The following AATF variants were observed in gnomAD, a reference collection of about 807,000 sequenced individuals.
AATF encodes the protein protein AATF.
A neutral mutation model predicts 63.7 loss-of-function variants in AATF; 48 were observed. The ratio of observed to expected loss-of-function variants is 0.75; its 90% confidence interval spans 0.60 to 0.96. The LOEUF (loss-of-function observed/expected upper bound fraction) is 0.96. AATF is among the 40% of genes least tolerant of loss of function. The pLI, the probability that AATF is intolerant of heterozygous loss-of-function variation, is 0.00. For synonymous variants in AATF, 258 were observed against 247.7 expected, an observed-to-expected ratio of 1.04 and a Z score of -0.39; for missense variants, 639 against 685.7, an observed-to-expected ratio of 0.93 and a Z score of 0.76.
chr17:37,002,903 G>GTTTTTTTTTTTTTTTTTT (rs35926577), intron 8 of AATF, among the ~76,000 whole-genome samples: 1 of 99,196 alleles, frequency 1.0e-5, no homozygotes. Context: ...TCCTGTTGCT[G>GTTTTTTTTTTTTTTTTTT]TTTTTTTTTT....
intron 4 of AATF, among the ~76,000 whole-genome samples, chr17:36,978,138 AT>A (rs558749255): frequency 1.3e-3 from 201 of 151,654 alleles, no homozygotes; most frequent in Admixed American, 1.8e-3. Context: ...AATGGTAAGA[AT>A]TTTTTTTTCT....
intron 11 of AATF, among the ~76,000 whole-genome samples, chr17:37,035,768 G>A (rs1231425459): frequency 6.6e-6 from 1 of 152,208 alleles, no homozygotes; most frequent in East Asian, 1.9e-4. Flanking sequence ...TTTTAAATGT[G>A]TCTGTTAACA....
chr17:37,010,053 C>T (rs2071378360), intron 8 of AATF, among the ~76,000 whole-genome samples: 1 of 152,170 alleles, frequency 6.6e-6, no homozygotes, highest in African/African-American at 2.4e-5. Context: ...TGGATTAGAG[C>T]CAGGTTATTG....
chr17:36,990,777 A>T lies in AATF; in HGVS notation c.1318A>T (p.Ile440Phe). 1 of 1,587,980 alleles carries T rather than the reference A, an allele frequency of 6.3e-7. No homozygotes were observed. The highest frequency in any genetic ancestry group is 1.8e-5 in the Admixed American group (1 of 54,446). Residue 440 changes from isoleucine (I) to phenylalanine (F), a missense_variant, in exon 8 of 12, where the codon ATC (isoleucine) becomes TTC (phenylalanine). Transcript: ENST00000619387. Reference sequence around the variant, plus strand: ...TTCTTACTCATTGTTAACATAGGAGATCCTTCCTCAAGCCCCTGCTAATGC... The same window carrying T: ...TTCTTACTCATTGTTAACATAGGAGTTCCTTCCTCAAGCCCCTGCTAATGC... ...VPESLPGEPE[I>F]LPQAPANAHL...
At chr17:36,972,136 A>T (rs2071044294) in intron 4 of AATF, among the ~76,000 whole-genome samples, 2 of 152,140 alleles carry the variant, frequency 1.3e-5, no homozygotes, top group South Asian at 4.1e-4. Flanking sequence ...TGGATACATG[A>T]TACAGTACTT....
chr17:37,000,342 G>A (rs930752345), intron 8 of AATF, among the ~76,000 whole-genome samples: 2 of 152,100 alleles, frequency 1.3e-5, no homozygotes, highest in African/African-American at 4.8e-5. Flanking sequence ...CAGTTGGAGG[G>A]ATTAAGTTGC....
At chr17:37,005,929 A>T (rs561057348) in intron 8 of AATF, among the ~76,000 whole-genome samples, 4 of 152,270 alleles carry the variant, frequency 2.6e-5, no homozygotes, top group African/African-American at 7.2e-5. Context: ...GGAGCTTGAG[A>T]CTAACCTGGG....
intron 11 of AATF, among the ~76,000 whole-genome samples, chr17:37,035,328 C>T (rs2071583263): frequency 6.6e-6 from 1 of 151,488 alleles, no homozygotes; most frequent in African/African-American, 2.4e-5. Context: ...AAGCGATTCT[C>T]CTGCCTCAGC....
At chr17:36,956,954 C>T (rs1309190448) in intron 4 of AATF, among the ~76,000 whole-genome samples, 2 of 150,866 alleles carry the variant, frequency 1.3e-5, no homozygotes, top group African/African-American at 2.4e-5. Context: ...CTAGCCTGAG[C>T]GACAAGAGCG....
chr17:37,050,939 GTATT>G (rs763618903), intron 11 of AATF, among the ~76,000 whole-genome samples: 4 of 152,136 alleles, frequency 2.6e-5, no homozygotes, highest in East Asian at 1.9e-4. Flanking sequence ...ATCATTTTAT[GTATT>G]TATTTATTTT....
At chr17:37,037,410 G>A (rs1480290871) in intron 11 of AATF, among the ~76,000 whole-genome samples, 1 of 152,204 alleles carries the variant, frequency 6.6e-6, no homozygotes, top group African/African-American at 2.4e-5. Context: ...CATCTCATTG[G>A]TAGAGAATCC....
At chr17:36,960,520 C>G (rs1396328927) in intron 4 of AATF, among the ~76,000 whole-genome samples, 1 of 151,974 alleles carries the variant, frequency 6.6e-6, no homozygotes, top group Non-Finnish European at 1.5e-5. Flanking sequence ...AATCCTGTAC[C>G]CCTGCCGCCC....
In AATF at chr17:37,019,075, A is replaced by G; in HGVS notation, c.1466+3A>G. On this transcript the variant is annotated splice_donor_region_variant and intron_variant, in intron 9 of 11. Transcript: ENST00000619387. Reference sequence around the variant, plus strand: ...AACGATCAGGTGGCCATGGGAAGGTAATTTAGATACAGCTTTCTGTTCATG... The same window carrying G: ...AACGATCAGGTGGCCATGGGAAGGTGATTTAGATACAGCTTTCTGTTCATG... 1.2e-6 allele frequency: 2 copies of G among 1,613,582 alleles called. No homozygotes were observed. The highest frequency in any genetic ancestry group is 1.7e-6 in the Non-Finnish European group (2 of 1,179,490).
At chr17:37,021,090 A>G in intron 10 of AATF, 76 bp downstream of exon 10, 2 of 1,103,718 alleles carry the variant, frequency 1.8e-6, no homozygotes, top group South Asian at 1.8e-5. Context: ...CTGTTATGTC[A>G]TTTTTCTTTT....
intron 10 of AATF, among the ~76,000 whole-genome samples, chr17:37,022,206 G>T (rs1001553787): frequency 6.6e-6 from 1 of 151,878 alleles, no homozygotes; most frequent in African/African-American, 2.4e-5. Flanking sequence ...TGTAATTCAG[G>T]TGCACACTGA....
chr17:37,023,286 C>G (rs2071486686), intron 10 of AATF, among the ~76,000 whole-genome samples: 1 of 152,004 alleles, frequency 6.6e-6, no homozygotes, highest in African/African-American at 2.4e-5. Flanking sequence ...AGTAGGCATT[C>G]AAAAATGTTC....
At chr17:37,011,336 C>T (rs888312992) in intron 8 of AATF, among the ~76,000 whole-genome samples, 12 of 152,048 alleles carry the variant, frequency 7.9e-5, no homozygotes, top group Admixed American at 2.6e-4. Context: ...GATAGCACCA[C>T]GGCACTCCAG....
At chr17:36,981,702 C>CTT (rs71368433) in intron 4 of AATF, among the ~76,000 whole-genome samples, 8,397 of 110,346 alleles carry the variant, frequency 0.076, 997 homozygotes, top group African/African-American at 0.27. Flanking sequence ...TCTTTCTTTT[C>CTT]TTTTTTTTTT....
chr17:36,962,708 A>G (rs1411818703), intron 4 of AATF, among the ~76,000 whole-genome samples: 1 of 152,188 alleles, frequency 6.6e-6, no homozygotes, highest in Non-Finnish European at 1.5e-5. Flanking sequence ...TAGTAGCTCC[A>G]TAGTAGGATC....
Sources: allele counts gnomAD v4.1 joint callset (sites outside exome capture counted in the v4.1 genomes callset), GRCh38; gene constraint gnomAD v4.1.1; transcripts MANE v1.5; gene names NCBI Gene and HGNC (gene_info 2026-07-23, HGNC 2026-07-21).